Variants in LDLRAD3 observed in about 807,000 individuals in gnomAD.
The protein encoded by LDLRAD3 is low density lipoprotein receptor class A domain containing 3.
Under a neutral mutation model 29.4 loss-of-function variants are expected in LDLRAD3, and 20 were observed. The observed-to-expected ratio is 0.68, with a 90% confidence interval of 0.48 to 0.99. LDLRAD3 has a LOEUF of 0.99. LDLRAD3 is among the 50% of genes least tolerant of loss of function. The pLI is 0.00. For synonymous variants in LDLRAD3, 157 were observed against 192.7 expected, an observed-to-expected ratio of 0.81 and a Z score of 1.53; for missense variants, 420 against 454.3, an observed-to-expected ratio of 0.92 and a Z score of 0.69.
At chr11:36,076,307 C>T (rs1340594350) in intron 2 of LDLRAD3, among the ~76,000 whole-genome samples, 1 of 152,022 alleles carries the variant, frequency 6.6e-6, no homozygotes, top group African/African-American at 2.4e-5. Flanking sequence ...ATACTGGTGA[C>T]CTCCAATTCC....
chr11:36,207,573 C>A (rs1418633043), intron 4 of LDLRAD3, among the ~76,000 whole-genome samples: 1 of 152,010 alleles, frequency 6.6e-6, no homozygotes, highest in African/African-American at 2.4e-5. Flanking sequence ...TCACCTAAGG[C>A]TGGAAGGCTG....
At chr11:36,118,813 C>G (rs770459325) in intron 4 of LDLRAD3, among the ~76,000 whole-genome samples, 10 of 152,064 alleles carry the variant, frequency 6.6e-5, no homozygotes, top group Non-Finnish European at 1.5e-4. Flanking sequence ...AAGAAACCCC[C>G]ATACCCACAC....
rs995884129 is a variant in LDLRAD3 at position 36,075,463 on chromosome 11, G to A, written c.194-6190G>A. On this transcript the variant is annotated intron_variant, in intron 2 of 5. Transcript: ENST00000315571. The stretch of plus-strand genomic sequence containing the variant: ...TCTCATTACTGATGATGTTGACCAT[G>A]GTCCCTTGGCTGAGGTGGTATCTAC... Among the ~76,000 whole-genome samples, 98 of 152,182 alleles carry A rather than the reference G, an allele frequency of 6.4e-4. 1 individual carries two copies. The highest frequency in any genetic ancestry group is 2.3e-3 in the African/African-American group (96 of 41,530).
intron 4 of LDLRAD3, among the ~76,000 whole-genome samples, chr11:36,144,557 G>A (rs1426294340): frequency 6.6e-6 from 1 of 150,950 alleles, no homozygotes; most frequent in East Asian, 2.0e-4. Context: ...TCTGGGATGT[G>A]AGGAGCGTCT....
intron 4 of LDLRAD3, among the ~76,000 whole-genome samples, chr11:36,151,109 G>A (rs1365209650): frequency 6.6e-6 from 1 of 152,046 alleles, no homozygotes; most frequent in African/African-American, 2.4e-5. Flanking sequence ...TGTCTAGAAC[G>A]CCCTCACCAG....
At chr11:36,115,811 G>C (rs1157881856) in intron 4 of LDLRAD3, among the ~76,000 whole-genome samples, 7 of 152,180 alleles carry the variant, frequency 4.6e-5, no homozygotes, top group Non-Finnish European at 8.8e-5. Flanking sequence ...GCCTGTGCTA[G>C]GCATGGAGGA....
At chr11:36,203,390 G>T (rs556233201) in intron 4 of LDLRAD3, among the ~76,000 whole-genome samples, 50 of 152,318 alleles carry the variant, frequency 3.3e-4, no homozygotes, top group African/African-American at 9.9e-4. Context: ...ACTTGCCACA[G>T]TTGCAAAGCC....
At chr11:36,191,703 G>A (rs972643597) in intron 4 of LDLRAD3, among the ~76,000 whole-genome samples, 2 of 151,116 alleles carry the variant, frequency 1.3e-5, no homozygotes, top group Non-Finnish European at 2.9e-5. Context: ...TATGAATCTG[G>A]GAAAGACTTT....
chr11:36,034,955 A>G (rs1360142493), intron 1 of LDLRAD3, among the ~76,000 whole-genome samples: 4 of 152,174 alleles, frequency 2.6e-5, no homozygotes, highest in Non-Finnish European at 5.9e-5. Flanking sequence ...TTTATGAAAG[A>G]GAATCAGGGA....
chr11:35,958,578 AG>A (rs1267483863), intron 1 of LDLRAD3, among the ~76,000 whole-genome samples: 2 of 152,088 alleles, frequency 1.3e-5, no homozygotes, highest in African/African-American at 2.4e-5. Context: ...CTTTTCCTGT[AG>A]GCTCTCTCAG....
intron 1 of LDLRAD3, among the ~76,000 whole-genome samples, chr11:36,035,346 C>T (rs2281694): frequency 0.045 from 6,826 of 152,196 alleles, 198 homozygotes; most frequent in South Asian, 0.12. Flanking sequence ...CTGCCCACCT[C>T]CACCGCCACA....
At chr11:35,973,780 G>T (rs1417190626) in intron 1 of LDLRAD3, among the ~76,000 whole-genome samples, 1 of 151,994 alleles carries the variant, frequency 6.6e-6, no homozygotes, top group African/African-American at 2.4e-5. Context: ...CACATTTGTA[G>T]TTTTGATAGT....
At chr11:36,165,547 T>A (rs1408550106) in intron 4 of LDLRAD3, among the ~76,000 whole-genome samples, 1 of 152,158 alleles carries the variant, frequency 6.6e-6, no homozygotes, top group African/African-American at 2.4e-5. Flanking sequence ...ATTATCATTT[T>A]AAAAAATCAT....
Position 36,104,599 on chromosome 11 carries a change from A to G in LDLRAD3, c.454+6138A>G, listed in dbSNP as rs1398225878. 5.3e-5 allele frequency among the ~76,000 whole-genome samples: 8 copies of G among 152,238 alleles called. No homozygotes were observed. The East Asian group carries it at 1.5e-3, about 29-fold the overall frequency. ...AAGAATAGCAAACATTTGGAGTACTAACTGCATGTCAGGCACCATTCTGAG... is the reference window on the plus strand; with the variant it reads ...AAGAATAGCAAACATTTGGAGTACTGACTGCATGTCAGGCACCATTCTGAG... On this transcript the variant is annotated intron_variant, in intron 4 of 5. Coordinates refer to ENST00000315571, the MANE Select transcript of LDLRAD3 (RefSeq NM_174902.4).
At chr11:35,983,129 C>T (rs1038183061) in intron 1 of LDLRAD3, among the ~76,000 whole-genome samples, 1 of 152,192 alleles carries the variant, frequency 6.6e-6, no homozygotes, top group Non-Finnish European at 1.5e-5. Context: ...GTTGGGATTA[C>T]AGGCGTGAGC....
At chr11:36,195,811 A>G (rs1049807792) in intron 4 of LDLRAD3, among the ~76,000 whole-genome samples, 3 of 152,140 alleles carry the variant, frequency 2.0e-5, no homozygotes, top group Non-Finnish European at 1.5e-5. Flanking sequence ...GAAGCAGGAA[A>G]GACAGGAGAG....
chr11:35,952,758 C>T (rs1471213996), intron 1 of LDLRAD3, among the ~76,000 whole-genome samples: 1 of 152,122 alleles, frequency 6.6e-6, no homozygotes, highest in African/African-American at 2.4e-5. Flanking sequence ...GACAAAGATA[C>T]AGTACTGATG....
rs117328313 is a variant in LDLRAD3 at position 36,191,067 on chromosome 11, A to G, written c.455-36018A>G. Among the ~76,000 whole-genome samples, 1,148 of 152,320 alleles carry G rather than the reference A, an allele frequency of 7.5e-3. 11 individuals are homozygous for G. Among genetic ancestry groups the G allele is most frequent in the Non-Finnish European group, 0.013 (880 of 68,026 alleles). On this transcript the variant is annotated intron_variant, in intron 4 of 5. Transcript: ENST00000315571. Reference sequence around the variant, plus strand: ...CCAAAACCAAGGGAGTAAACCAAGAAAAAGAAAGACACAGGATATGGGAAA... The same window carrying G: ...CCAAAACCAAGGGAGTAAACCAAGAGAAAGAAAGACACAGGATATGGGAAA...
rs117732390 is a variant in LDLRAD3, at chr11:36,152,420, C to T, written c.454+53959C>T. On this transcript the variant is annotated intron_variant, in intron 4 of 5. Coordinates refer to ENST00000315571, the MANE Select transcript of LDLRAD3 (RefSeq NM_174902.4). ...TGGCCACAGTCACACAGCTCGTTAG[C>T]GATAGGAATTGACCTTAAGTCAAAC... is the stretch of plus-strand genomic sequence containing the variant. Among the ~76,000 whole-genome samples, 329 of 152,282 alleles carry T rather than the reference C, an allele frequency of 2.2e-3. 6 individuals are homozygous for T. The East Asian group carries it at 0.032, about 15-fold the overall frequency.
Sources: gnomAD v4.1 joint callset for allele counts (sites outside exome capture counted in the v4.1 genomes callset) on GRCh38, gnomAD v4.1.1 for gene constraint, MANE v1.5 for transcripts, NCBI Gene and HGNC (gene_info 2026-07-23, HGNC 2026-07-21) for gene names.